Variants in PRDM16 observed in about 807,000 individuals in gnomAD.
PRDM16 encodes histone-lysine N-methyltransferase PRDM16.
PRDM16 carries 23 observed loss-of-function variants against 110.6 expected under a neutral mutation model. That is an observed-to-expected ratio of 0.21 (90% CI 0.15 to 0.29). The LOEUF (loss-of-function observed/expected upper bound fraction) is 0.29. PRDM16 is among the 10% of genes least tolerant of loss of function. PRDM16 has a pLI of 1.00. For missense variants in PRDM16, 1,615 were observed against 1,794.3 expected (o/e 0.90, Z 1.81); for synonymous variants, 799 against 781.8 (o/e 1.02, Z -0.37).
intron 3 of PRDM16, among the ~76,000 whole-genome samples, chr1:3,340,142 A>C (rs1642242707): frequency 6.6e-6 from 1 of 152,152 alleles, no homozygotes; most frequent in Non-Finnish European, 1.5e-5. Flanking sequence ...CCTTTGGGTA[A>C]AACACAGGTG....
intron 2 of PRDM16, among the ~76,000 whole-genome samples, chr1:3,189,172 T>A (rs1638233949): frequency 6.6e-6 from 1 of 152,232 alleles, no homozygotes; most frequent in South Asian, 2.1e-4. Flanking sequence ...ACACCAGGCT[T>A]CAGGGCTGGG....
At chr1:3,125,393 G>C (rs532919317) in intron 1 of PRDM16, among the ~76,000 whole-genome samples, 6 of 152,344 alleles carry the variant, frequency 3.9e-5, no homozygotes, top group African/African-American at 1.4e-4. Flanking sequence ...CCTCTGTTCA[G>C]CCCAGGTCTC....
intron 1 of PRDM16, among the ~76,000 whole-genome samples, chr1:3,107,184 G>T (rs766794854): frequency 6.6e-6 from 1 of 152,258 alleles, no homozygotes; most frequent in Non-Finnish European, 1.5e-5. Flanking sequence ...CCAGGGTCAA[G>T]TGTCTCCAAG....
chr1:3,365,882 G>T (rs184068235), intron 3 of PRDM16, among the ~76,000 whole-genome samples: 39 of 152,284 alleles, frequency 2.6e-4, no homozygotes, highest in African/African-American at 7.7e-4. Context: ...ACGTGTTTAT[G>T]TGCGCAGGGA....
At chr1:3,075,790 G>A (rs1641884041) in intron 1 of PRDM16, among the ~76,000 whole-genome samples, 1 of 152,376 alleles carries the variant, frequency 6.6e-6, no homozygotes. Flanking sequence ...CGAACCCGGT[G>A]AGGAGGGGTC....
chr1:3,117,986 A>G (rs748788585), intron 1 of PRDM16, among the ~76,000 whole-genome samples: 1 of 151,682 alleles, frequency 6.6e-6, no homozygotes, highest in Non-Finnish European at 1.5e-5. Flanking sequence ...GTGTGTGTGT[A>G]CATGCACGCG....
At chr1:3,163,532 T>C (rs1431927746) in intron 1 of PRDM16, among the ~76,000 whole-genome samples, 1 of 152,196 alleles carries the variant, frequency 6.6e-6, no homozygotes, top group African/African-American at 2.4e-5. Context: ...GTTAGCTTCC[T>C]GGGGAGGTCC....
intron 3 of PRDM16, among the ~76,000 whole-genome samples, chr1:3,380,135 C>A (rs1643077154): frequency 6.6e-6 from 1 of 150,392 alleles, no homozygotes; most frequent in East Asian, 2.0e-4. Flanking sequence ...TCCTAACATG[C>A]CCCTCCCGGT....
intron 3 of PRDM16, among the ~76,000 whole-genome samples, chr1:3,260,071 G>A (rs1200099520): frequency 6.6e-6 from 1 of 152,166 alleles, no homozygotes; most frequent in African/African-American, 2.4e-5. Flanking sequence ...CCCCTGCGGT[G>A]TACCCCTCAG....
rs1157116198 is a variant in PRDM16, at chr1:3,287,620, C to T, written c.438+43483C>T. ...GGAGCTGCCCCTGCCATGCGGGCAT[C>T]GAGGATTGCATTTACCGGGGCTGGA... On this transcript the variant is annotated intron_variant, in intron 3 of 16. Coordinates refer to ENST00000270722, the MANE Select transcript of PRDM16 (RefSeq NM_022114.4). Among the ~76,000 whole-genome samples the T allele has an allele frequency of 1.9e-4, 5 of 26,852 alleles. 2 individuals carry two copies. Among genetic ancestry groups the T allele is most frequent in the Non-Finnish European group, 2.9e-4 (5 of 17,144 alleles). The allele number at this position is 26,852 out of a possible 152,430, so 17.6% of individuals were successfully genotyped here.
chr1:3,133,287 C>T (rs1207641729), intron 1 of PRDM16: 2 of 152,258 alleles, frequency 1.3e-5, no homozygotes, highest in African/African-American at 4.8e-5. Context: ...GTTGCTTTTC[C>T]CACCGCAAAC....
chr1:3,085,791 A>C lies in PRDM16; in HGVS notation c.37+16495A>C, dbSNP rs577186603. On this transcript the variant is annotated intron_variant, in intron 1 of 16. Transcript: ENST00000270722. ...CTGGGCCACAGGTCGGGTGGGCAGC[A>C]GGTGGCCCTCAGCCAGGACTGCCTC... Among the ~76,000 whole-genome samples the C allele has an allele frequency of 5.3e-5, 8 of 152,332 alleles. No homozygotes were observed. In the South Asian group the frequency reaches 1.7e-3, roughly 32 times the overall value.
At position 3,117,673 on chromosome 1, in the gene PRDM16, G is replaced by A. The variant is rs556509789; in HGVS notation, c.37+48377G>A. ...CAGGCCCTACTTCTGGAGGGGGCCC[G>A]GCAACCCAGCCTAGTCCAGGCCCAG... On this transcript the variant is annotated intron_variant, in intron 1 of 16. Coordinates refer to ENST00000270722, the MANE Select transcript of PRDM16 (RefSeq NM_022114.4). 7.2e-5 allele frequency among the ~76,000 whole-genome samples: 11 copies of A among 152,196 alleles called. No individual in the cohort carries two copies. The East Asian group carries it at 7.8e-4, about 11-fold the overall frequency.
chr1:3,071,900 C>T (rs1452811652), intron 1 of PRDM16, among the ~76,000 whole-genome samples: 2 of 152,340 alleles, frequency 1.3e-5, no homozygotes, highest in East Asian at 3.9e-4. Flanking sequence ...CCCTGGAGAC[C>T]CCACTCCAAG....
chr1:3,387,708 A>C (rs891735802), intron 4 of PRDM16, among the ~76,000 whole-genome samples: 5 of 152,214 alleles, frequency 3.3e-5, no homozygotes, highest in Non-Finnish European at 7.4e-5. Flanking sequence ...AGGCACGGGG[A>C]GTGAGGTGGC....
intron 3 of PRDM16, among the ~76,000 whole-genome samples, chr1:3,294,655 C>T (rs994790302): frequency 4.6e-5 from 7 of 152,152 alleles, no homozygotes; most frequent in African/African-American, 9.7e-5. Flanking sequence ...CTTCAGCCAG[C>T]GCCATCCTCT....
chr1:3,389,975 C>T (rs1440381634), intron 4 of PRDM16, among the ~76,000 whole-genome samples: 2 of 135,854 alleles, frequency 1.5e-5, no homozygotes, highest in African/African-American at 5.5e-5. Flanking sequence ...CACCCTCTGG[C>T]TCCTACTTTC....
chr1:3,280,127 T>C (rs1163502403), intron 3 of PRDM16, among the ~76,000 whole-genome samples: 1 of 151,766 alleles, frequency 6.6e-6, no homozygotes, highest in Non-Finnish European at 1.5e-5. Flanking sequence ...CCAGTTATGG[T>C]CAGAGAGAGA....
intron 3 of PRDM16, among the ~76,000 whole-genome samples, chr1:3,338,122 G>T (rs1256922027): frequency 6.6e-6 from 1 of 152,234 alleles, no homozygotes; most frequent in Non-Finnish European, 1.5e-5. Context: ...TGAAGCTCTA[G>T]CCTCAGCTGT....
Sources: gnomAD v4.1 joint callset for allele counts (sites outside exome capture counted in the v4.1 genomes callset) on GRCh38, gnomAD v4.1.1 for gene constraint, MANE v1.5 for transcripts, NCBI Gene and HGNC (gene_info 2026-07-23, HGNC 2026-07-21) for gene names.